PDE2A: variants seen among roughly 807,000 people sequenced by gnomAD.
The protein encoded by PDE2A is phosphodiesterase 2A, also known as cGMP-dependent 3',5'-cyclic phosphodiesterase.
Under a neutral mutation model 133.6 loss-of-function variants are expected in PDE2A, and 53 were observed. That is an observed-to-expected ratio of 0.40 (90% CI 0.32 to 0.50). The LOEUF is 0.50. PDE2A is among the 20% of genes least tolerant of loss of function. The pLI, the probability that PDE2A is intolerant of heterozygous loss-of-function variation, is 0.73. For missense variants in PDE2A, 796 were observed against 1,232.4 expected (o/e 0.65, Z 5.30); for synonymous variants, 491 against 490.2 (o/e 1.00, Z -0.02).
chr11:72,672,279 G>A (rs904725880), intron 1 of PDE2A, among the ~76,000 whole-genome samples: 1 of 151,942 alleles, frequency 6.6e-6, no homozygotes, highest in African/African-American at 2.4e-5. Context: ...AAGTTCAAGC[G>A]ATTCTCATAT....
intron 3 of PDE2A, among the ~76,000 whole-genome samples, chr11:72,606,363 G>T (rs1856972335): frequency 6.6e-6 from 1 of 152,170 alleles, no homozygotes; most frequent in African/African-American, 2.4e-5. Context: ...CCCACCCTCA[G>T]TAAGTGTGGA....
intron 2 of PDE2A, among the ~76,000 whole-genome samples, chr11:72,638,704 T>C (rs1290660324): frequency 6.6e-6 from 1 of 152,094 alleles, no homozygotes; most frequent in Non-Finnish European, 1.5e-5. Flanking sequence ...AATGAGACAT[T>C]TGTGAAAGGA....
Position 72,579,522 on chromosome 11 carries a change from C to T in PDE2A, c.2256+12G>A, listed in dbSNP as rs968556078. On this transcript the variant is annotated intron_variant, in intron 26 of 30. Coordinates refer to ENST00000334456, the MANE Select transcript of PDE2A (RefSeq NM_002599.5). ...TCCCCCTCAATCCCCACCCCACCCC[C>T]AACCCCATCACCTTCCGGGAGAAAT... 1 of 1,550,228 alleles carries T rather than the reference C, an allele frequency of 6.5e-7. No individual in the cohort carries two copies. The highest frequency in any genetic ancestry group is 8.9e-7 in the Non-Finnish European group (1 of 1,126,858).
chr11:72,615,296 C>T (rs994479676), intron 2 of PDE2A, among the ~76,000 whole-genome samples: 38 of 152,218 alleles, frequency 2.5e-4, no homozygotes, highest in Admixed American at 2.5e-3. Context: ...CCAAAATGAC[C>T]TCCCGGTTGT....
rs747633038 is a variant in PDE2A, at chr11:72,589,203, T to A, written c.911A>T (p.Lys304Met). The change falls in exon 12 of 31, where the codon AAG (lysine) becomes ATG (methionine). Residue 304 changes from lysine to methionine, a missense_variant. Physicochemically the swap from Lys to Met is moderately conservative, Grantham distance 95 (BLOSUM62 -1). This residue lies in a region of PDE2A where 417 missense variants were observed against 475.3 expected (regional missense o/e 0.88). Transcript: ENST00000334456. Reference sequence around the variant, plus strand: ...GGTGAGGTCCTTCAGCTGGATGGACTTCTTGTCTTCCACCACCTGGCCCAG... The same window carrying A: ...GGTGAGGTCCTTCAGCTGGATGGACATCTTGTCTTCCACCACCTGGCCCAG... ...GCLGQVVEDK[K>M]SIQLKDLTSE... 6.8e-6 allele frequency: 11 copies of A among 1,613,890 alleles called. No homozygotes were observed. In the South Asian group the frequency reaches 1.1e-4, roughly 16 times the overall value.
intron 6 of PDE2A, among the ~76,000 whole-genome samples, 187 bp downstream of exon 6, chr11:72,596,406 C>A (rs1856478660): frequency 6.8e-6 from 1 of 146,660 alleles, no homozygotes; most frequent in Admixed American, 6.8e-5. Context: ...CCCAACTCCT[C>A]CCACCCCCAC....
At chr11:72,623,824 T>G (rs113585404) in intron 2 of PDE2A, among the ~76,000 whole-genome samples, 13 of 152,192 alleles carry the variant, frequency 8.5e-5, no homozygotes, top group Middle Eastern at 3.4e-3. Context: ...TATCTCTAAC[T>G]CTTCTGCCAT....
intron 24 of PDE2A, 37 bp from the exon 25 acceptor site, chr11:72,580,661 A>G: frequency 6.6e-7 from 1 of 1,509,978 alleles, no homozygotes; most frequent in Non-Finnish European, 9.0e-7. Flanking sequence ...CACTCCTCAC[A>G]TCCGGATCCA....
intron 14 of PDE2A, 74 bp from the exon 15 acceptor site, chr11:72,585,667 C>G (rs1855936008): frequency 1.5e-6 from 2 of 1,334,232 alleles, no homozygotes; most frequent in Admixed American, 1.9e-5. Context: ...CTGCCTCCAA[C>G]AGCACCCGGG....
chr11:72,602,175 C>A (rs1856774731), intron 4 of PDE2A, among the ~76,000 whole-genome samples: 1 of 152,172 alleles, frequency 6.6e-6, no homozygotes, highest in South Asian at 2.1e-4. Flanking sequence ...GAGCAAGCAG[C>A]CCTTACAAGC....
At chr11:72,584,048 C>T (rs1302748177) in intron 19 of PDE2A, among the ~76,000 whole-genome samples, 153 bp downstream of exon 19, 1 of 152,322 alleles carries the variant, frequency 6.6e-6, no homozygotes, top group South Asian at 2.1e-4. Flanking sequence ...AGGTGGCCAG[C>T]GTGTCCTGAA....
intron 1 of PDE2A, among the ~76,000 whole-genome samples, chr11:72,657,392 C>T (rs1854928741): frequency 6.6e-6 from 1 of 152,184 alleles, no homozygotes; most frequent in Non-Finnish European, 1.5e-5. Flanking sequence ...AGAGAAACAA[C>T]TGTCCCCAAG....
At chr11:72,669,568 A>C (rs958094104) in intron 1 of PDE2A, among the ~76,000 whole-genome samples, 1 of 152,172 alleles carries the variant, frequency 6.6e-6, no homozygotes, top group African/African-American at 2.4e-5. Flanking sequence ...CAGGGAGCCC[A>C]CGGCCACCAC....
At chr11:72,638,274 G>A (rs919870152) in intron 2 of PDE2A, among the ~76,000 whole-genome samples, 1 of 152,218 alleles carries the variant, frequency 6.6e-6, no homozygotes, top group Non-Finnish European at 1.5e-5. Context: ...CTGATGAGAT[G>A]AGAGTCCCCT....
intron 1 of PDE2A, among the ~76,000 whole-genome samples, chr11:72,663,499 C>A (rs145742585): frequency 0.021 from 3,144 of 152,118 alleles, 89 homozygotes; most frequent in African/African-American, 0.072. Context: ...GAGGTCAAGG[C>A]GGGCAGATCA....
chr11:72,651,600 G>A (rs1487703849), intron 1 of PDE2A, among the ~76,000 whole-genome samples: 1 of 152,174 alleles, frequency 6.6e-6, no homozygotes, highest in African/African-American at 2.4e-5. Flanking sequence ...GGGATCAACT[G>A]GCCTTCCTTG....
chr11:72,620,531 G>C (rs1857706003), intron 2 of PDE2A, among the ~76,000 whole-genome samples: 1 of 152,122 alleles, frequency 6.6e-6, no homozygotes, highest in Non-Finnish European at 1.5e-5. Context: ...AGTTGGGTTT[G>C]AGAAGACCCA....
intron 2 of PDE2A, among the ~76,000 whole-genome samples, chr11:72,636,305 G>C (rs1030555732): frequency 2.0e-5 from 3 of 152,244 alleles, no homozygotes; most frequent in Non-Finnish European, 4.4e-5. Context: ...CGCATGTTTA[G>C]CATTTTCATA....
chr11:72,620,019 G>A (rs761310154), intron 2 of PDE2A, among the ~76,000 whole-genome samples: 1 of 152,184 alleles, frequency 6.6e-6, no homozygotes, highest in Non-Finnish European at 1.5e-5. Context: ...GCAGATGCGG[G>A]CCTGAGGGGA....
Sources: gnomAD v4.1 joint callset for allele counts (sites outside exome capture counted in the v4.1 genomes callset) on GRCh38, gnomAD v4.1.1 for gene constraint, gnomAD v4.1.1 regional missense constraint, MANE v1.5 for transcripts, NCBI Gene and HGNC (gene_info 2026-07-23, HGNC 2026-07-21) for gene names.